The following GRIA2 variants were observed in gnomAD, a reference collection of about 807,000 sequenced individuals.
GRIA2 encodes the protein glutamate receptor 2.
A neutral mutation model predicts 97.3 loss-of-function variants in GRIA2; 14 were observed. That is an observed-to-expected ratio of 0.14 (90% CI 0.10 to 0.23). The LOEUF (loss-of-function observed/expected upper bound fraction) is 0.23. Ranked by LOEUF, GRIA2 falls within the 10% of genes least tolerant of loss-of-function variation. The pLI, the probability that GRIA2 is intolerant of heterozygous loss-of-function variation, is 1.00. For synonymous variants in GRIA2, 412 were observed against 387.8 expected (o/e 1.06, Z -0.73); for missense variants, 558 against 1,069.8 (o/e 0.52, Z 6.67).
intron 4 of GRIA2, 96 bp downstream of exon 4, chr4:157,312,971 A>C: frequency 1.5e-6 from 1 of 653,204 alleles, no homozygotes; most frequent in Non-Finnish European, 2.5e-6. Context: ...CTTGAACAGC[A>C]GTTTTTGCTT....
rs1729747473 is a variant in GRIA2 at position 157,226,383 on chromosome 4, T to A, written c.229+4576T>A. On this transcript the variant is annotated intron_variant, in intron 2 of 15. Coordinates refer to ENST00000264426, the MANE Select transcript of GRIA2 (RefSeq NM_001083619.3). ...GAAGAAAATTATTCAAAATGCTGTC[T>A]TAAAAATAACTTTCATTGCCTTTTA... is the stretch of plus-strand genomic sequence containing the variant. 2.0e-5 allele frequency among the ~76,000 whole-genome samples: 3 copies of A among 152,236 alleles called. No homozygotes were observed. In the South Asian group the frequency reaches 6.2e-4, roughly 31 times the overall value.
At chr4:157,256,172 A>G (rs1731236692) in intron 2 of GRIA2, among the ~76,000 whole-genome samples, 2 of 137,416 alleles carry the variant, frequency 1.5e-5, no homozygotes, top group Non-Finnish European at 3.1e-5. Context: ...TATATGTTAT[A>G]TATTATATAT....
intron 12 of GRIA2, among the ~76,000 whole-genome samples, chr4:157,355,706 GTATATATTTATT>G (rs1241767971): frequency 0.011 from 1,050 of 92,050 alleles, 32 homozygotes; most frequent in African/African-American, 0.045. Flanking sequence ...ATATATATTT[GTATATATTTATT>G]TATATATTTA....
At chr4:157,317,248 T>C (rs1734364088) in intron 4 of GRIA2, among the ~76,000 whole-genome samples, 1 of 152,190 alleles carries the variant, frequency 6.6e-6, no homozygotes, top group Non-Finnish European at 1.5e-5. Context: ...ATATAAAATC[T>C]CAGATGTTAA....
intron 12 of GRIA2, among the ~76,000 whole-genome samples, chr4:157,355,940 T>TA (rs1282851628): frequency 7.7e-4 from 26 of 33,800 alleles, no homozygotes; most frequent in South Asian, 1.4e-3. Flanking sequence ...TATTTATATA[T>TA]TAATATATAT....
intron 12 of GRIA2, among the ~76,000 whole-genome samples, chr4:157,344,000 G>A (rs1735661565): frequency 1.3e-5 from 2 of 151,890 alleles, no homozygotes; most frequent in African/African-American, 4.8e-5. Flanking sequence ...GGATACTATG[G>A]CTTTCCAACT....
chr4:157,230,431 T>C (rs928945216), intron 2 of GRIA2, among the ~76,000 whole-genome samples: 2 of 152,200 alleles, frequency 1.3e-5, no homozygotes, highest in Non-Finnish European at 2.9e-5. Context: ...GGAAAAACTC[T>C]AAGAGGCAGC....
rs1736838078 is a variant in GRIA2, at chr4:157,365,347, C to A, written c.*1916C>A. ...TTTTAATAATAAGTGCTAGAATGAC[C>A]AAATTGCAGACTAATTGTTTCCATA... On this transcript the variant is annotated 3_prime_UTR_variant, in exon 16 of 16. Coordinates refer to ENST00000264426, the MANE Select transcript of GRIA2 (RefSeq NM_001083619.3). The A allele has an allele frequency of 6.6e-6, 1 of 151,812 alleles. No individual in the cohort carries two copies. Among genetic ancestry groups the A allele is most frequent in the African/African-American group, 2.4e-5 (1 of 41,332 alleles). 9.4% of individuals were successfully genotyped at this position (151,812 alleles called of 1,614,324 possible).
intron 6 of GRIA2, among the ~76,000 whole-genome samples, chr4:157,330,588 T>C (rs1385075566): frequency 3.3e-5 from 5 of 151,908 alleles, no homozygotes; most frequent in Non-Finnish European, 7.4e-5. Flanking sequence ...GTATCAGAGA[T>C]CACAGTAATG....
chr4:157,340,092 TGCTTGAGTG>T (rs1735482362), intron 11 of GRIA2, among the ~76,000 whole-genome samples: 1 of 151,896 alleles, frequency 6.6e-6, no homozygotes, highest in Non-Finnish European at 1.5e-5. Flanking sequence ...CTTTCTTAAC[TGCTTGAGTG>T]GTTTATTCTA....
rs1735542622 is a variant in GRIA2, at chr4:157,341,453, G to A, written c.2034G>A (p.Glu678=). The change falls in exon 12 of 16, where the codon GAG becomes GAA. Residue 678 remains glutamate, a synonymous_variant. Transcript: ENST00000264426. ...CATTAGACTCTGGCTCCACTAAAGA[G>A]TTTTTCAGGGTAAGAGATTCTGCTT... The part of the protein sequence containing the change: ...YGTLDSGSTK[E]FFRRSKIAVF... 2 of 1,599,812 alleles carry A rather than the reference G, an allele frequency of 1.3e-6. No individual in the cohort carries two copies. The highest frequency in any genetic ancestry group is 1.3e-5 in the African/African-American group (1 of 74,660).
At chr4:157,354,307 T>C (rs903866989) in intron 12 of GRIA2, among the ~76,000 whole-genome samples, 4 of 152,202 alleles carry the variant, frequency 2.6e-5, no homozygotes, top group Non-Finnish European at 2.9e-5. Context: ...GTCAATGGAA[T>C]TAAGCTCTGT....
chr4:157,252,200 G>A (rs1731049311), intron 2 of GRIA2, among the ~76,000 whole-genome samples: 1 of 152,042 alleles, frequency 6.6e-6, no homozygotes, highest in African/African-American at 2.4e-5. Context: ...ACCAAATGAA[G>A]GGTATGCAGG....
chr4:157,265,095 G>A (rs765178319), intron 2 of GRIA2, among the ~76,000 whole-genome samples: 26 of 152,024 alleles, frequency 1.7e-4, no homozygotes, highest in Non-Finnish European at 3.1e-4. Flanking sequence ...TGTTAAGATA[G>A]GATATTAATA....
At chr4:157,290,576 A>G (rs193288042) in intron 2 of GRIA2, among the ~76,000 whole-genome samples, 132 of 151,530 alleles carry the variant, frequency 8.7e-4, no homozygotes, top group Non-Finnish European at 1.7e-3. Context: ...TCATTCATAT[A>G]TAGATCCAGC....
In GRIA2 at chr4:157,303,727, T is replaced by G; in HGVS notation, c.405T>G (p.Ala135=). The part of the protein sequence containing the change: ...VIQMRPDLKG[A]LLSLIEYYQW... ...AGATGAGACCCGACCTCAAAGGAGC[T>G]CTCCTTAGCTTGATTGAATACTATC... The change falls in exon 3 of 16, where the codon GCT becomes GCG. Residue 135 remains alanine, a synonymous_variant. Coordinates refer to ENST00000264426, the MANE Select transcript of GRIA2 (RefSeq NM_001083619.3). 6.2e-7 allele frequency: 1 copy of G among 1,613,670 alleles called. No homozygotes were observed. The highest frequency in any genetic ancestry group is 8.5e-7 in the Non-Finnish European group (1 of 1,179,650).
chr4:157,317,321 T>A (rs1734366410), intron 4 of GRIA2, among the ~76,000 whole-genome samples: 1 of 152,184 alleles, frequency 6.6e-6, no homozygotes, highest in Admixed American at 6.6e-5. Context: ...AGGAATAGAA[T>A]TCTGACTTGT....
intron 2 of GRIA2, among the ~76,000 whole-genome samples, chr4:157,230,536 TTCTTTCC>T (rs1480614060): frequency 2.0e-5 from 3 of 147,174 alleles, no homozygotes; most frequent in African/African-American, 7.6e-5. Flanking sequence ...TCTTCCTTCC[TTCTTTCC>T]TTCCTTCCTT....
intron 2 of GRIA2, among the ~76,000 whole-genome samples, chr4:157,227,982 G>A (rs1203910008): frequency 6.6e-6 from 1 of 152,146 alleles, no homozygotes; most frequent in Non-Finnish European, 1.5e-5. Flanking sequence ...TTCATAAGAT[G>A]TCTAACACCT....
Sources: gnomAD v4.1 joint callset for allele counts (sites outside exome capture counted in the v4.1 genomes callset) on GRCh38, gnomAD v4.1.1 for gene constraint, MANE v1.5 for transcripts, NCBI Gene and HGNC (gene_info 2026-07-23, HGNC 2026-07-21) for gene names.